The following CCR4 variants were observed in gnomAD, a reference collection of about 807,000 sequenced individuals.
CCR4 encodes the protein C-C chemokine receptor type 4.
A neutral mutation model predicts 17.1 loss-of-function variants in CCR4; 9 were observed. The observed-to-expected ratio is 0.53, with a 90% confidence interval of 0.32 to 0.92. The LOEUF is 0.92. CCR4 is among the 40% of genes least tolerant of loss of function. The pLI, the probability that CCR4 is intolerant of heterozygous loss-of-function variation, is 0.04. For missense variants in CCR4, 385 were observed against 433.9 expected, an observed-to-expected ratio of 0.89 and a Z score of 1.00; for synonymous variants, 217 against 174.3, an observed-to-expected ratio of 1.24 and a Z score of -1.93.
Position 32,954,522 on chromosome 3 carries a change from A to G in CCR4, c.*17A>G, listed in dbSNP as rs1484210333. 6.6e-7 allele frequency: 1 copy of G among 1,513,436 alleles called. No individual in the cohort carries two copies. The highest frequency in any genetic ancestry group is 8.8e-7 in the Non-Finnish European group (1 of 1,134,238). 93.8% of individuals were successfully genotyped at this position (1,513,436 alleles called of 1,614,324 possible). A position where few individuals can be genotyped will look rare whatever the true frequency, so the allele number is the denominator to read the frequency against. ...GCTCTGTAGAAAAATGAAATGGTGA[A>G]ATGCAGAGTCAATGAACTTTCCACA... On this transcript the variant is annotated 3_prime_UTR_variant, in exon 2 of 2. Transcript: ENST00000330953.
chr3:32,953,718 C>T lies in CCR4; in HGVS notation c.296C>T (p.Ala99Val), dbSNP rs1422567316. ...VFSLPFWGYY[A>V]ADQWVFGLGL... is the part of the protein sequence containing the mutation. Reference sequence around the variant, plus strand: ...TCCCTCCCTTTTTGGGGCTACTATGCAGCAGACCAGTGGGTTTTTGGGCTA... The same window carrying T: ...TCCCTCCCTTTTTGGGGCTACTATGTAGCAGACCAGTGGGTTTTTGGGCTA... Residue 99 changes from alanine (A) to valine (V), a missense_variant, in exon 2 of 2, where the codon GCA becomes GTA. Physicochemically the swap from Ala to Val is moderately conservative, Grantham distance 64. Coordinates refer to ENST00000330953, the MANE Select transcript of CCR4 (RefSeq NM_005508.5). 6.2e-7 allele frequency: 1 copy of T among 1,613,966 alleles called. No individual in the cohort carries two copies. Among genetic ancestry groups the T allele is most frequent in the Admixed American group, 1.7e-5 (1 of 59,970 alleles).
Position 32,954,166 on chromosome 3 carries a change from G to C in CCR4, c.744G>C (p.Val248=), listed in dbSNP as rs147092765. 6.2e-7 allele frequency: 1 copy of C among 1,614,064 alleles called. No homozygotes were observed. Among genetic ancestry groups the C allele is most frequent in the Non-Finnish European group, 8.5e-7 (1 of 1,180,008 alleles). The change falls in exon 2 of 2, where the codon GTG becomes GTC. Residue 248 remains valine (V), a synonymous_variant. Coordinates refer to ENST00000330953, the MANE Select transcript of CCR4 (RefSeq NM_005508.5). ...CGGTGAAGATGATCTTTGCCGTGGT[G>C]GTCCTCTTCCTTGGGTTCTGGACAC... The part of the protein sequence containing the change: ...NKAVKMIFAV[V]VLFLGFWTPY...
chr3:32,952,228 CT>C (rs925208425), intron 1 of CCR4, among the ~76,000 whole-genome samples: 11 of 151,822 alleles, frequency 7.2e-5, no homozygotes, highest in African/African-American at 9.7e-5. Flanking sequence ...TTTTTTCTTT[CT>C]TTTTTTCTTT....
In CCR4 at chr3:32,952,652, T is replaced by C. The variant is rs116632106; in HGVS notation, c.-51-720T>C. 2.8e-3 allele frequency among the ~76,000 whole-genome samples: 427 copies of C among 152,274 alleles called. 2 individuals carry two copies. The highest frequency in any genetic ancestry group is 9.5e-3 in the African/African-American group (395 of 41,548). ...GATCGAATGTGAATTTACTGACGAA[T>C]GTGAAAAGGATTTTAACAAGGAATG... On this transcript the variant is annotated intron_variant, in intron 1 of 1. Coordinates refer to ENST00000330953, the MANE Select transcript of CCR4 (RefSeq NM_005508.5).
Position 32,953,374 on chromosome 3 carries a change from G to C in CCR4, c.-49G>C. The C allele has an allele frequency of 6.5e-7, 1 of 1,529,332 alleles. No individual in the cohort carries two copies. 94.7% of individuals were successfully genotyped at this position (1,529,332 alleles called of 1,614,324 possible). A position where few individuals can be genotyped will look rare whatever the true frequency, so the allele number is the denominator to read the frequency against. ...TCCTTTGCTCTTCCCCTCATTAGCT[G>C]CTTCTGGTTGGGCCCAGACCTGCCT... On this transcript the variant is annotated splice_region_variant and 5_prime_UTR_variant, in exon 2 of 2. Transcript: ENST00000330953.
At position 32,952,265 on chromosome 3, in the gene CCR4, A is replaced by AT. The variant is rs555591303; in HGVS notation, c.-52+583dup. Among the ~76,000 whole-genome samples the AT allele has an allele frequency of 5.9e-4, 85 of 144,354 alleles. 2 individuals carry two copies. The East Asian group carries it at 9.7e-3, about 16-fold the overall frequency. The allele number at this position is 144,354 out of a possible 152,430, so 94.7% of individuals were successfully genotyped here. On this transcript the variant is annotated intron_variant, in intron 1 of 1. Coordinates refer to ENST00000330953, the MANE Select transcript of CCR4 (RefSeq NM_005508.5). The stretch of plus-strand genomic sequence containing the variant: ...TTCTTTTCTTTCCTTTTTATTTTTT[A>AT]TTTTTTTTGAGACAGGATTTCACTC...
chr3:32,954,713 T>C lies in CCR4; in HGVS notation c.*208T>C, dbSNP rs1453635724. Reference sequence around the variant, plus strand: ...AGGGTTCACCTGGGCTGAGGCATCCTTCCTCACACCAGGCTTGCCTGCAGG... The same window carrying C: ...AGGGTTCACCTGGGCTGAGGCATCCCTCCTCACACCAGGCTTGCCTGCAGG... On this transcript the variant is annotated 3_prime_UTR_variant, in exon 2 of 2. Transcript: ENST00000330953. 5.8e-6 allele frequency: 3 copies of C among 515,328 alleles called. No individual in the cohort carries two copies. The East Asian group carries it at 9.6e-5, about 17-fold the overall frequency. 31.9% of individuals were successfully genotyped at this position (515,328 alleles called of 1,614,324 possible).
In CCR4 at chr3:32,953,522, A is replaced by C; in HGVS notation, c.100A>C (p.Ile34Leu). The change falls in exon 2 of 2, where the codon ATC becomes CTC. Residue 34 changes from isoleucine to leucine, a missense_variant. Coordinates refer to ENST00000330953, the MANE Select transcript of CCR4 (RefSeq NM_005508.5). ...CCCCAAGCCTTGCACCAAAGAAGGC[A>C]TCAAGGCATTTGGGGAGCTCTTCCT... Reference protein sequence around the residue: ...SIPKPCTKEGIKAFGELFLPP... With the variant: ...SIPKPCTKEGLKAFGELFLPP... 1 of 1,614,164 alleles carries C rather than the reference A, an allele frequency of 6.2e-7. No individual in the cohort carries two copies. Among genetic ancestry groups the C allele is most frequent in the African/African-American group, 1.3e-5 (1 of 75,050 alleles).
rs1191713351 is a variant in CCR4, at chr3:32,955,604, G to GTTTTTTTTTTTTTT, written c.*1109_*1122dup. On this transcript the variant is annotated 3_prime_UTR_variant, in exon 2 of 2. Transcript: ENST00000330953. ...TACATTTATTTGAGGTCATTTACTT[G>GTTTTTTTTTTTTTT]TTTTTTTTTTTTTTTTTTTTTTTGA... 6 of 85,674 alleles carry GTTTTTTTTTTTTTT rather than the reference G, an allele frequency of 7.0e-5. 2 individuals carry two copies. Among genetic ancestry groups the GTTTTTTTTTTTTTT allele is most frequent in the Non-Finnish European group, 2.2e-5 (1 of 45,016 alleles). 5.3% of individuals were successfully genotyped at this position (85,674 alleles called of 1,614,324 possible).
At position 32,954,040 on chromosome 3, in the gene CCR4, C is replaced by A. The variant is rs1697724887; in HGVS notation, c.618C>A (p.Ile206=). 1.9e-6 allele frequency: 3 copies of A among 1,614,042 alleles called. No individual in the cohort carries two copies. The highest frequency in any genetic ancestry group is 2.5e-6 in the Non-Finnish European group (3 of 1,180,040). Residue 206 remains isoleucine (I), a synonymous_variant, in exon 2 of 2, where the codon ATC becomes ATA. Coordinates refer to ENST00000330953, the MANE Select transcript of CCR4 (RefSeq NM_005508.5). ...TTWKVLSSLE[I]NILGLVIPLG... ...GGAAGGTTCTCAGCTCCCTGGAAAT[C>A]AACATTCTCGGATTGGTGATCCCCT... is the stretch of plus-strand genomic sequence containing the variant.
At chr3:32,952,166 C>T (rs1284047382) in intron 1 of CCR4, among the ~76,000 whole-genome samples, 2 of 152,184 alleles carry the variant, frequency 1.3e-5, no homozygotes, top group East Asian at 1.9e-4. Flanking sequence ...TTTTTGGAGA[C>T]TCTGTGATGT....
At position 32,956,078 on chromosome 3, in the gene CCR4, A is replaced by AAT. The variant is rs1695720848; in HGVS notation, c.*1573_*1574insAT. On this transcript the variant is annotated 3_prime_UTR_variant, in exon 2 of 2. Transcript: ENST00000330953. Reference sequence around the variant, plus strand: ...GCTGGGATTAGAGGTGTGCACCACTACGCCAGGCTAATTTTTGTATTTTTA... The same window carrying AAT: ...GCTGGGATTAGAGGTGTGCACCACTAATCGCCAGGCTAATTTTTGTATTTTTA... 1 of 165,342 alleles carries AAT rather than the reference A, an allele frequency of 6.0e-6. No homozygotes were observed. The highest frequency in any genetic ancestry group is 2.4e-5 in the African/African-American group (1 of 41,208). 10.2% of individuals were successfully genotyped at this position (165,342 alleles called of 1,614,324 possible).
intron 1 of CCR4, among the ~76,000 whole-genome samples, chr3:32,952,908 A>G (rs1210356833): frequency 6.6e-6 from 1 of 152,168 alleles, no homozygotes; most frequent in Non-Finnish European, 1.5e-5. Flanking sequence ...TTCCCACTCT[A>G]ATAGGATTCT....
intron 1 of CCR4, among the ~76,000 whole-genome samples, chr3:32,952,595 A>AT (rs1697689256): frequency 6.6e-6 from 1 of 152,162 alleles, no homozygotes; most frequent in East Asian, 1.9e-4. Flanking sequence ...CAGTTTGGGC[A>AT]TTGGGTGTGT....
chr3:32,954,197 A>C lies in CCR4; in HGVS notation c.775A>C (p.Asn259His). The C allele has an allele frequency of 6.2e-7, 1 of 1,614,092 alleles. No homozygotes were observed. Among genetic ancestry groups the C allele is most frequent in the Non-Finnish European group, 8.5e-7 (1 of 1,180,002 alleles). ...CTTCCTTGGGTTCTGGACACCTTAC[A>C]ACATAGTGCTCTTCCTAGAGACCCT... is the stretch of plus-strand genomic sequence containing the variant. ...VLFLGFWTPYNIVLFLETLVE... is the reference protein window; with the variant it reads ...VLFLGFWTPYHIVLFLETLVE... The change falls in exon 2 of 2, where the codon AAC becomes CAC. Residue 259 changes from asparagine (N) to histidine (H), a missense_variant. Transcript: ENST00000330953.
rs1470532289 is a variant in CCR4 at position 32,955,128 on chromosome 3, C to A, written c.*623C>A. The A allele has an allele frequency of 6.0e-6, 1 of 167,108 alleles. No individual in the cohort carries two copies. Among genetic ancestry groups the A allele is most frequent in the Non-Finnish European group, 1.5e-5 (1 of 68,136 alleles). The allele number at this position is 167,108 out of a possible 1,614,324, so 10.4% of individuals were successfully genotyped here. ...AGGATATGAAGACATTAGCCAAGGTCTGCTTTCCAAACGTGAACTACAAGG... is the reference window on the plus strand; with the variant it reads ...AGGATATGAAGACATTAGCCAAGGTATGCTTTCCAAACGTGAACTACAAGG... On this transcript the variant is annotated 3_prime_UTR_variant, in exon 2 of 2. Transcript: ENST00000330953.
At position 32,953,414 on chromosome 3, in the gene CCR4, A is replaced by C; in HGVS notation, c.-9A>C. ...CAGACCTGCCTTGAGGAGCCTGTAG[A>C]GTTAAAAAATGAACCCCACGGATAT... On this transcript the variant is annotated 5_prime_UTR_variant, in exon 2 of 2. Transcript: ENST00000330953. 6.3e-7 allele frequency: 1 copy of C among 1,589,598 alleles called. No homozygotes were observed. Among genetic ancestry groups the C allele is most frequent in the Non-Finnish European group, 8.6e-7 (1 of 1,169,210 alleles).
rs1465729126 is a variant in CCR4 at position 32,954,426 on chromosome 3, T to G, written c.1004T>G (p.Leu335Arg). ...GTGCTCTGCCAATACTGTGGGCTCCTCCAAATTTACTCTGCTGACACCCCC... is the reference window on the plus strand; with the variant it reads ...GTGCTCTGCCAATACTGTGGGCTCCGCCAAATTTACTCTGCTGACACCCCC... ...LFVLCQYCGL[L>R]QIYSADTPSS... Residue 335 changes from leucine (L) to arginine (R), a missense_variant, in exon 2 of 2, where the codon CTC (leucine) becomes CGC (arginine). Transcript: ENST00000330953. The G allele has an allele frequency of 6.3e-7, 1 of 1,599,134 alleles. No individual in the cohort carries two copies. The highest frequency in any genetic ancestry group is 8.5e-7 in the Non-Finnish European group (1 of 1,174,458).
Position 32,954,398 on chromosome 3 carries a change from T to C in CCR4, c.976T>C (p.Phe326Leu). 1 of 1,612,390 alleles carries C rather than the reference T, an allele frequency of 6.2e-7. No homozygotes were observed. Among genetic ancestry groups the C allele is most frequent in the Non-Finnish European group, 8.5e-7 (1 of 1,179,350 alleles). ...LQLFKTCRGL[F>L]VLCQYCGLLQ... ...GCTCTTCAAAACCTGCAGGGGCCTT[T>C]TTGTGCTCTGCCAATACTGTGGGCT... is the stretch of plus-strand genomic sequence containing the variant. The change falls in exon 2 of 2, where the codon TTT becomes CTT. Residue 326 changes from phenylalanine to leucine, a missense_variant. Coordinates refer to ENST00000330953, the MANE Select transcript of CCR4 (RefSeq NM_005508.5).
Sources: allele counts gnomAD v4.1 joint callset (sites outside exome capture counted in the v4.1 genomes callset), GRCh38; gene constraint gnomAD v4.1.1; transcripts MANE v1.5; gene names NCBI Gene and HGNC (gene_info 2026-07-23, HGNC 2026-07-21).